SOX6: variants seen among roughly 807,000 people sequenced by gnomAD.
SOX6 encodes the protein transcription factor SOX-6.
SOX6 carries 11 observed loss-of-function variants against 97.8 expected under a neutral mutation model. The ratio of observed to expected loss-of-function variants is 0.11; its 90% CI spans 0.07 to 0.19. SOX6 has a LOEUF of 0.19. SOX6 is among the 10% of genes least tolerant of loss of function. The probability of loss-of-function intolerance (pLI) is 1.00; values close to 1 mark genes in which losing one functional copy is unlikely to be tolerated. For missense variants in SOX6, 810 were observed against 1,039.5 expected (o/e 0.78, Z 3.04); for synonymous variants, 360 against 371.4 (o/e 0.97, Z 0.35).
At chr11:16,003,737 T>C (rs1854471932) in intron 13 of SOX6, among the ~76,000 whole-genome samples, 1 of 152,078 alleles carries the variant, frequency 6.6e-6, no homozygotes, top group African/African-American at 2.4e-5. Context: ...AGAAATTTAA[T>C]TTCTTATATT....
chr11:16,023,792 A>G (rs764107091), intron 12 of SOX6, among the ~76,000 whole-genome samples: 3 of 152,184 alleles, frequency 2.0e-5, no homozygotes, highest in Admixed American at 6.5e-5. Context: ...TTTCAATTTA[A>G]TTCCTCCTGA....
chr11:16,295,040 C>T (rs1855030985), intron 3 of SOX6, among the ~76,000 whole-genome samples: 1 of 151,948 alleles, frequency 6.6e-6, no homozygotes, highest in African/African-American at 2.4e-5. Flanking sequence ...CACATTTATT[C>T]ATCTATGTTA....
At chr11:16,676,538 C>A (rs1470203622) in intron 3 of SOX6, among the ~76,000 whole-genome samples, 1 of 152,118 alleles carries the variant, frequency 6.6e-6, no homozygotes, top group Admixed American at 6.5e-5. Flanking sequence ...GAATCTTCAA[C>A]CTTCTCTGGG....
chr11:16,402,523 T>G (rs1411846585), intron 1 of SOX6: 18 of 841,942 alleles, frequency 2.1e-5, no homozygotes, highest in African/African-American at 3.4e-5. Flanking sequence ...TCCCAGAGAT[T>G]TGATGGCCCA....
intron 3 of SOX6, among the ~76,000 whole-genome samples, chr11:16,285,744 T>C (rs990918881): frequency 1.3e-5 from 2 of 152,110 alleles, no homozygotes; most frequent in Non-Finnish European, 1.5e-5. Flanking sequence ...GACTCAGAGA[T>C]ACTTCTGAGA....
intron 4 of SOX6, among the ~76,000 whole-genome samples, chr11:16,586,289 AAAG>A (rs1348443715): frequency 6.6e-6 from 1 of 152,154 alleles, no homozygotes. Flanking sequence ...ATAAATTCAG[AAAG>A]AAGTTTAGAG....
chr11:16,367,527 T>C (rs931813097), intron 1 of SOX6, among the ~76,000 whole-genome samples: 8 of 152,172 alleles, frequency 5.3e-5, no homozygotes, highest in Non-Finnish European at 8.8e-5. Flanking sequence ...AAAGTACAGA[T>C]AGTACTGCGT....
chr11:16,506,918 G>C (rs1860796985), intron 4 of SOX6, among the ~76,000 whole-genome samples: 1 of 152,068 alleles, frequency 6.6e-6, no homozygotes, highest in African/African-American at 2.4e-5. Context: ...ACAAAAAGTA[G>C]CCAGGCATGG....
At chr11:16,697,001 T>C (rs1487981573) in intron 3 of SOX6, among the ~76,000 whole-genome samples, 1 of 152,186 alleles carries the variant, frequency 6.6e-6, no homozygotes, top group Non-Finnish European at 1.5e-5. Flanking sequence ...ATTTCAACAG[T>C]GTTCACAGCA....
In SOX6 at chr11:16,524,430, C is replaced by T. The variant is rs75996737; in HGVS notation, n.610-48042G>A. On this transcript the variant is annotated intron_variant and non_coding_transcript_variant, in intron 4 of 5. Transcript: ENST00000524520. ...AAGGCCTTTGACAAAATTCAACAAC[C>T]CTTCATGCTAATAAAAACTCTCAAT... 5.5e-3 allele frequency among the ~76,000 whole-genome samples: 836 copies of T among 152,092 alleles called. 9 individuals are homozygous for T. The highest frequency in any genetic ancestry group is 0.019 in the African/African-American group (799 of 41,464).
At chr11:16,148,678 G>A (rs1012525452) in intron 6 of SOX6, among the ~76,000 whole-genome samples, 12 of 151,944 alleles carry the variant, frequency 7.9e-5, no homozygotes, top group African/African-American at 2.9e-4. Context: ...TACTGCTGGC[G>A]CACCCACGCA....
rs941774858 is a variant in SOX6, at chr11:15,986,276, T to C, written c.2111A>G (p.Lys704Arg). The C allele has an allele frequency of 1.9e-6, 3 of 1,614,026 alleles. No individual in the cohort carries two copies. In the African/African-American group the frequency reaches 4.0e-5, roughly 22 times the overall value. The change falls in exon 15 of 16, where the codon AAG becomes AGG. Residue 704 changes from lysine to arginine, a missense_variant. Physicochemically the swap from Lys to Arg is conservative, Grantham distance 26. Coordinates refer to ENST00000683767, the MANE Select transcript of SOX6 (RefSeq NM_001367873.1). ...PKRTCIVDGKKLRIGEYKQLM... is the reference protein window; with the variant it reads ...PKRTCIVDGKRLRIGEYKQLM... The stretch of plus-strand genomic sequence containing the variant: ...TTGCTTATACTCCCCAATCCGAAGC[T>C]TTTTGCCATCAACAATGCAGGTGCG...
chr11:16,118,588 G>A (rs924112167), intron 6 of SOX6, among the ~76,000 whole-genome samples: 1 of 152,170 alleles, frequency 6.6e-6, no homozygotes, highest in Non-Finnish European at 1.5e-5. Flanking sequence ...AGGAACAGGT[G>A]CTATTGTTTG....
At chr11:16,026,697 A>C (rs1855224818) in intron 12 of SOX6, among the ~76,000 whole-genome samples, 1 of 152,226 alleles carries the variant, frequency 6.6e-6, no homozygotes, top group African/African-American at 2.4e-5. Context: ...AGCACTAAAT[A>C]AGGTCAAATG....
intron 4 of SOX6, among the ~76,000 whole-genome samples, chr11:16,583,259 C>G (rs1016412755): frequency 6.6e-6 from 1 of 151,966 alleles, no homozygotes; most frequent in Non-Finnish European, 1.5e-5. Context: ...TAATATCCAT[C>G]ACCTCAAAGA....
At chr11:16,379,798 T>C (rs1459068168) in intron 1 of SOX6, among the ~76,000 whole-genome samples, 1 of 151,952 alleles carries the variant, frequency 6.6e-6, no homozygotes. Flanking sequence ...CAGATGAGTT[T>C]ACTGCAATAT....
intron 9 of SOX6, among the ~76,000 whole-genome samples, chr11:16,071,631 G>T (rs567800003): frequency 6.6e-6 from 1 of 152,180 alleles, no homozygotes; most frequent in East Asian, 1.9e-4. Flanking sequence ...CCAGCCCAGT[G>T]GTCTTGCTGA....
chr11:16,080,533 C>T (rs7103044), intron 9 of SOX6, among the ~76,000 whole-genome samples: 3,947 of 150,808 alleles, frequency 0.026, 171 homozygotes, highest in African/African-American at 0.091. Context: ...CTCATAGGCT[C>T]TTGTTATTCT....
chr11:16,318,310 C>T, intron 3 of SOX6, 136 bp downstream of exon 3: 1 of 858,664 alleles, frequency 1.2e-6, no homozygotes, highest in Non-Finnish European at 1.9e-6. Flanking sequence ...ACCATAGTAA[C>T]CTCTGAATAA....
Sources: gnomAD v4.1 joint callset for allele counts (sites outside exome capture counted in the v4.1 genomes callset) on GRCh38, gnomAD v4.1.1 for gene constraint, MANE v1.5 for transcripts, NCBI Gene and HGNC (gene_info 2026-07-23, HGNC 2026-07-21) for gene names.